Variants in RBPJ observed in about 807,000 individuals in gnomAD.
RBPJ encodes the protein recombination signal binding protein for immunoglobulin kappa J region, also known as recombining binding protein suppressor of hairless.
RBPJ carries 9 observed loss-of-function variants against 67.8 expected under a neutral mutation model. The observed-to-expected ratio is 0.13, with a 90% CI of 0.08 to 0.23. The LOEUF (loss-of-function observed/expected upper bound fraction) is 0.23, where lower values mean the gene tolerates loss of function less well. Among genes scored for constraint, RBPJ ranks in the 10% least tolerant of loss-of-function variants. The pLI is 1.00. For synonymous variants in RBPJ, 198 were observed against 203.3 expected (o/e 0.97, Z 0.22); for missense variants, 305 against 595.6 (o/e 0.51, Z 5.08).
chr4:26,181,229 G>C (rs1173305197), intron 1 of RBPJ, among the ~76,000 whole-genome samples: 1 of 152,044 alleles, frequency 6.6e-6, no homozygotes, highest in Non-Finnish European at 1.5e-5. Context: ...TCCTGAAGCT[G>C]TTTCTCACTG....
At chr4:26,420,455 TTTACTTA>T in intron 4 of RBPJ, 89 bp from the exon 5 acceptor site, 1 of 759,038 alleles carries the variant, frequency 1.3e-6, no homozygotes, top group South Asian at 3.0e-5. Context: ...TTGGAATTGT[TTTACTTA>T]TTACTTAAAC....
intron 1 of RBPJ, among the ~76,000 whole-genome samples, chr4:26,287,364 A>AC: frequency 6.6e-6 from 1 of 151,744 alleles, no homozygotes; most frequent in African/African-American, 2.4e-5. Context: ...GCATAGCGAG[A>AC]CCCCATCTCT....
intron 1 of RBPJ, among the ~76,000 whole-genome samples, chr4:26,202,251 AT>A (rs1426561557): frequency 1.3e-5 from 2 of 151,986 alleles, no homozygotes; most frequent in African/African-American, 2.4e-5. Context: ...TCCAAATTGT[AT>A]TTCTAAAAAA....
chr4:26,390,918 T>C (rs1230518472), intron 2 of RBPJ, among the ~76,000 whole-genome samples: 1 of 152,128 alleles, frequency 6.6e-6, no homozygotes, highest in African/African-American at 2.4e-5. Flanking sequence ...TAGCTGGGCA[T>C]GTTGGCACGT....
At chr4:26,341,832 G>A (rs1279780100) in intron 1 of RBPJ, among the ~76,000 whole-genome samples, 2 of 152,164 alleles carry the variant, frequency 1.3e-5, no homozygotes, top group African/African-American at 4.8e-5. Flanking sequence ...GGATTGTGGG[G>A]TCCAAAGGAG....
intron 1 of RBPJ, among the ~76,000 whole-genome samples, chr4:26,309,784 T>C (rs1722364326): frequency 6.6e-6 from 1 of 152,206 alleles, no homozygotes; most frequent in Admixed American, 6.5e-5. Context: ...TTATTATTCA[T>C]ATGGTGTTGT....
intron 1 of RBPJ, among the ~76,000 whole-genome samples, chr4:26,202,321 T>C (rs1718008037): frequency 6.6e-6 from 1 of 151,182 alleles, no homozygotes; most frequent in African/African-American, 2.4e-5. Context: ...GAATTGCTAG[T>C]CAAGAATGAC....
intron 3 of RBPJ, among the ~76,000 whole-genome samples, chr4:26,414,704 T>C (rs1734388631): frequency 6.6e-6 from 1 of 152,222 alleles, no homozygotes; most frequent in Admixed American, 6.5e-5. Flanking sequence ...TAGATAATAT[T>C]TTTAATTGCT....
intron 1 of RBPJ, among the ~76,000 whole-genome samples, chr4:26,227,987 G>A (rs924940260): frequency 3.9e-5 from 6 of 152,274 alleles, no homozygotes; most frequent in African/African-American, 9.6e-5. Context: ...ACCGTGATGC[G>A]CAAGCCATTG....
At chr4:26,394,740 A>T (rs1052117706) in intron 2 of RBPJ, among the ~76,000 whole-genome samples, 5 of 152,186 alleles carry the variant, frequency 3.3e-5, no homozygotes, top group Admixed American at 2.0e-4. Context: ...GTACTAAGTG[A>T]TTCTGCTCTG....
intron 1 of RBPJ, among the ~76,000 whole-genome samples, chr4:26,187,741 G>T (rs1385779821): frequency 6.6e-6 from 1 of 152,104 alleles, no homozygotes; most frequent in Non-Finnish European, 1.5e-5. Flanking sequence ...GTAGATGGGG[G>T]CTGGGCACTG....
At chr4:26,143,755 C>T in the RBPJ span, among the ~76,000 whole-genome samples, 6 of 152,064 alleles carry the variant, frequency 3.9e-5, no homozygotes, top group Non-Finnish European at 8.8e-5. Context: ...GGCAAAACCC[C>T]GTCTCTACAA....
upstream of RBPJ, chr4:26,320,813 TGGG>T (rs1262439703): frequency 6.4e-7 from 1 of 1,558,230 alleles, no homozygotes. Flanking sequence ...CTCCATCGCC[TGGG>T]TAGGTTTCCA....
At chr4:26,411,121 A>G (rs969380267) in intron 3 of RBPJ, among the ~76,000 whole-genome samples, 2 of 152,184 alleles carry the variant, frequency 1.3e-5, no homozygotes, top group Non-Finnish European at 2.9e-5. Flanking sequence ...CACATAAGAT[A>G]TATTTTAGGC....
chr4:26,339,383 C>T (rs1180817386), intron 1 of RBPJ, among the ~76,000 whole-genome samples: 1 of 152,184 alleles, frequency 6.6e-6, no homozygotes, highest in Non-Finnish European at 1.5e-5. Context: ...CCTGTAATCC[C>T]AGCACTTTGG....
At chr4:26,386,811 G>A (rs1730961161) in intron 2 of RBPJ, among the ~76,000 whole-genome samples, 1 of 152,146 alleles carries the variant, frequency 6.6e-6, no homozygotes, top group Non-Finnish European at 1.5e-5. Flanking sequence ...TTTTTAATGA[G>A]TATAAGTTGT....
intron 1 of RBPJ, among the ~76,000 whole-genome samples, chr4:26,226,018 G>T (rs1014575943): frequency 2.0e-5 from 3 of 151,850 alleles, no homozygotes; most frequent in African/African-American, 7.3e-5. Context: ...GCATGATGGT[G>T]GTTGCCTGTA....
chr4:26,121,752 A>G, the RBPJ span, among the ~76,000 whole-genome samples: 1 of 152,142 alleles, frequency 6.6e-6, no homozygotes, highest in African/African-American at 2.4e-5. Flanking sequence ...AACAATAATC[A>G]AGTAGCATCC....
intron 1 of RBPJ, among the ~76,000 whole-genome samples, chr4:26,216,721 G>T (rs1718733557): frequency 6.6e-6 from 1 of 152,138 alleles, no homozygotes; most frequent in South Asian, 2.1e-4. Context: ...CTGGGAGTTT[G>T]CGAGCAACCT....
Sources: allele counts gnomAD v4.1 joint callset (sites outside exome capture counted in the v4.1 genomes callset), GRCh38; gene constraint gnomAD v4.1.1; transcripts MANE v1.5; gene names NCBI Gene and HGNC (gene_info 2026-07-23, HGNC 2026-07-21).